Variants in USP53 observed in about 807,000 individuals in gnomAD.
USP53 encodes the protein ubiquitin specific peptidase 53.
Under a neutral mutation model 94.9 loss-of-function variants are expected in USP53, and 71 were observed. The observed-to-expected ratio is 0.75, with a 90% CI of 0.62 to 0.91. USP53 has a LOEUF of 0.91. USP53 is among the 40% of genes least tolerant of loss of function. The probability of loss-of-function intolerance (pLI) is 0.00; values close to 1 mark genes in which losing one functional copy is unlikely to be tolerated. For missense variants in USP53, 1,173 were observed against 1,281.0 expected (o/e 0.92, Z 1.29); for synonymous variants, 375 against 422.7 (o/e 0.89, Z 1.39).
chr4:119,213,641 G>GATATATTAGATAT (rs1553961986), intron 1 of USP53, among the ~76,000 whole-genome samples: 22 of 108,088 alleles, frequency 2.0e-4, no homozygotes, highest in Middle Eastern at 4.7e-3. Flanking sequence ...TCTGGAAATA[G>GATATATTAGATAT]ATATATATAT....
chr4:119,272,206 A>C, intron 16 of USP53, 172 bp downstream of exon 16: 1 of 541,926 alleles, frequency 1.8e-6, no homozygotes, highest in East Asian at 3.2e-5. Context: ...CTGTAAAGAA[A>C]CCTAGGATAT....
chr4:119,284,665 TAA>T (rs1293236600), intron 17 of USP53, among the ~76,000 whole-genome samples: 1 of 151,914 alleles, frequency 6.6e-6, no homozygotes, highest in Non-Finnish European at 1.5e-5. Context: ...AGTAAAAAGT[TAA>T]AAGATTACAG....
chr4:119,242,682 A>G (rs551589132), intron 5 of USP53, among the ~76,000 whole-genome samples: 4 of 152,226 alleles, frequency 2.6e-5, no homozygotes, highest in Admixed American at 2.0e-4. Context: ...GTTGTCTGCC[A>G]TATAAACTCA....
Position 119,212,857 on chromosome 4 carries a change from G to A in USP53, c.-958G>A, listed in dbSNP as rs1743041569. 4.5e-6 allele frequency: 1 copy of A among 220,672 alleles called. No individual in the cohort carries two copies. The highest frequency in any genetic ancestry group is 5.0e-5 in the Admixed American group (1 of 19,916). The allele number at this position is 220,672 out of a possible 1,614,324, so 13.7% of individuals were successfully genotyped here. On this transcript the variant is annotated 5_prime_UTR_variant, in exon 1 of 19. Transcript: ENST00000692078. ...CCTGGACCGCACGCTCCTCGCGCAA[G>A]GAGGGTAGAGCTCAAGGTAAGTCTC...
chr4:119,213,335 A>G (rs1743136074), intron 1 of USP53: 1 of 152,008 alleles, frequency 6.6e-6, no homozygotes, highest in Non-Finnish European at 1.5e-5. Flanking sequence ...TCCTTGGAGA[A>G]GAGAGATGAC....
At chr4:119,224,798 A>C (rs56274942) in intron 3 of USP53, among the ~76,000 whole-genome samples, 1 of 152,210 alleles carries the variant, frequency 6.6e-6, no homozygotes, top group Admixed American at 6.5e-5. Flanking sequence ...ACAGTATAGC[A>C]GACTGTGTGG....
At chr4:119,237,072 T>G (rs1258929768) in intron 4 of USP53, among the ~76,000 whole-genome samples, 1 of 152,220 alleles carries the variant, frequency 6.6e-6, no homozygotes, top group Non-Finnish European at 1.5e-5. Context: ...AACATTAATC[T>G]CTTTGTACAT....
At chr4:119,259,262 T>C (rs1360829282) in intron 9 of USP53, among the ~76,000 whole-genome samples, 21 of 133,176 alleles carry the variant, frequency 1.6e-4, no homozygotes, top group African/African-American at 5.6e-4. Flanking sequence ...GCCTGGGCGA[T>C]AGAGTGAGAC....
intron 16 of USP53, 117 bp from the exon 17 acceptor site, chr4:119,273,515 T>C: frequency 1.6e-6 from 1 of 632,814 alleles, no homozygotes. Context: ...TAATGTACAT[T>C]AAGCCCTAGA....
chr4:119,246,654 G>A (rs1247426659), intron 6 of USP53, among the ~76,000 whole-genome samples: 6 of 152,150 alleles, frequency 3.9e-5, no homozygotes, highest in Non-Finnish European at 8.8e-5. Context: ...TGTAAGGATC[G>A]TGGCTTTTTC....
chr4:119,251,765 C>T (rs1310776047), intron 7 of USP53, among the ~76,000 whole-genome samples: 2 of 152,158 alleles, frequency 1.3e-5, no homozygotes, highest in Non-Finnish European at 2.9e-5. Context: ...ACTTCCAATA[C>T]TATGTTGAGT....
At chr4:119,284,836 T>A (rs1175153275) in intron 17 of USP53, among the ~76,000 whole-genome samples, 1 of 151,936 alleles carries the variant, frequency 6.6e-6, no homozygotes, top group African/African-American at 2.4e-5. Context: ...GGACACCTAT[T>A]GCAAAGTTCT....
intron 3 of USP53, among the ~76,000 whole-genome samples, chr4:119,228,167 C>T (rs1008663040): frequency 4.6e-5 from 7 of 152,290 alleles, no homozygotes; most frequent in Admixed American, 4.6e-4. Context: ...GTGGTCAAAG[C>T]ATCAAATGGG....
At chr4:119,230,778 G>A (rs949936245) in intron 3 of USP53, among the ~76,000 whole-genome samples, 71 of 152,194 alleles carry the variant, frequency 4.7e-4, no homozygotes, top group Non-Finnish European at 2.2e-4. Flanking sequence ...GGGAGCCAAC[G>A]AGATATGCAT....
At chr4:119,265,166 A>T (rs1012337448) in intron 12 of USP53, among the ~76,000 whole-genome samples, 10 of 151,948 alleles carry the variant, frequency 6.6e-5, no homozygotes, top group Non-Finnish European at 1.0e-4. Context: ...TGGGGTGAGG[A>T]TTACACAATT....
At chr4:119,265,396 G>A (rs761363685) in intron 12 of USP53, among the ~76,000 whole-genome samples, 1 of 152,118 alleles carries the variant, frequency 6.6e-6, no homozygotes, top group Non-Finnish European at 1.5e-5. Flanking sequence ...AGTTTAAATT[G>A]TTCAAAATTT....
intron 3 of USP53, among the ~76,000 whole-genome samples, chr4:119,223,432 C>T (rs1238223673): frequency 6.6e-6 from 1 of 152,126 alleles, no homozygotes; most frequent in Non-Finnish European, 1.5e-5. Flanking sequence ...CTAACCATAC[C>T]TTTAATCTCT....
chr4:119,212,680 C>G (rs1743009359), upstream of USP53: 1 of 346,010 alleles, frequency 2.9e-6, no homozygotes, highest in Non-Finnish European at 5.8e-6. Context: ...CAGGGTCGGG[C>G]TCTGGGCGGC....
rs769595200 is a variant in USP53 at position 119,256,498 on chromosome 4, C to T, written c.544C>T (p.Arg182Trp). 34 of 1,613,886 alleles carry T rather than the reference C, an allele frequency of 2.1e-5. No homozygotes were observed. The highest frequency in any genetic ancestry group is 1.6e-4 in the Middle Eastern group (1 of 6,082). Residue 182 changes from arginine to tryptophan, a missense_variant, in exon 9 of 19, where the codon CGG (arginine) becomes TGG (tryptophan). Transcript: ENST00000692078. ...SDPLPFTEFV[R>W]YISTTALCNE... ...TCCTCTACCTTTTACAGAATTTGTGCGGTACATTTCTACAACAGCCTTATG... is the reference window on the plus strand; with the variant it reads ...TCCTCTACCTTTTACAGAATTTGTGTGGTACATTTCTACAACAGCCTTATG...
Sources: gnomAD v4.1 joint callset for allele counts (sites outside exome capture counted in the v4.1 genomes callset) on GRCh38, gnomAD v4.1.1 for gene constraint, MANE v1.5 for transcripts, NCBI Gene and HGNC (gene_info 2026-07-23, HGNC 2026-07-21) for gene names.